Variants in DNER observed in about 807,000 individuals in gnomAD.
DNER encodes the protein delta and Notch-like epidermal growth factor-related receptor.
DNER carries 33 observed loss-of-function variants against 78.2 expected under a neutral mutation model. The observed-to-expected ratio is 0.42, with a 90% CI of 0.32 to 0.56. The LOEUF (loss-of-function observed/expected upper bound fraction) is 0.56. Ranked by LOEUF, DNER falls within the 20% of genes least tolerant of loss-of-function variation. The pLI is 0.11. For missense variants in DNER, 918 were observed against 975.3 expected, an observed-to-expected ratio of 0.94 and a Z score of 0.78; for synonymous variants, 417 against 384.8, an observed-to-expected ratio of 1.08 and a Z score of -0.98.
chr2:229,466,780 T>C (rs779656072), intron 7 of DNER, among the ~76,000 whole-genome samples: 2 of 152,182 alleles, frequency 1.3e-5, no homozygotes, highest in Non-Finnish European at 2.9e-5. Context: ...CTTAAAAATA[T>C]AGAACATGTA....
chr2:229,428,679 A>AG (rs1415496930), intron 8 of DNER, among the ~76,000 whole-genome samples: 1 of 152,020 alleles, frequency 6.6e-6, no homozygotes, highest in Admixed American at 6.6e-5. Context: ...TTGAAAAAAA[A>AG]AAAAATCAGT....
At chr2:229,705,409 T>C (rs1699810994) in intron 1 of DNER, among the ~76,000 whole-genome samples, 1 of 152,196 alleles carries the variant, frequency 6.6e-6, no homozygotes, top group South Asian at 2.1e-4. Context: ...CAAATCCTGT[T>C]TTTCAAAAGC....
chr2:229,542,345 G>GT (rs1260425390), intron 5 of DNER, among the ~76,000 whole-genome samples: 1 of 152,094 alleles, frequency 6.6e-6, no homozygotes, highest in Non-Finnish European at 1.5e-5. Flanking sequence ...CATTTATAAA[G>GT]ACCTTCCCCC....
intron 8 of DNER, among the ~76,000 whole-genome samples, chr2:229,426,876 G>T (rs1428305928): frequency 6.6e-6 from 1 of 152,170 alleles, no homozygotes; most frequent in Non-Finnish European, 1.5e-5. Context: ...ACACAATAAA[G>T]CCAGAAAATA....
intron 8 of DNER, among the ~76,000 whole-genome samples, chr2:229,442,781 G>A (rs935160920): frequency 1.3e-5 from 2 of 152,086 alleles, no homozygotes; most frequent in Non-Finnish European, 2.9e-5. Context: ...GAGTTTAACA[G>A]AAGGAGCAGT....
At chr2:229,673,252 T>C (rs1167363271) in intron 1 of DNER, among the ~76,000 whole-genome samples, 1 of 152,146 alleles carries the variant, frequency 6.6e-6, no homozygotes, top group Non-Finnish European at 1.5e-5. Flanking sequence ...TGCCTGGCAA[T>C]TGGTAGGTAT....
chr2:229,692,912 TAA>T (rs773783670), intron 1 of DNER, among the ~76,000 whole-genome samples: 1 of 151,836 alleles, frequency 6.6e-6, no homozygotes, highest in South Asian at 2.1e-4. Flanking sequence ...TTTTATAATA[TAA>T]AAAATCTAAG....
rs73998294 is a variant in DNER at position 229,609,581 on chromosome 2, C to T, written c.277-17693G>A. On this transcript the variant is annotated intron_variant, in intron 1 of 12. Coordinates refer to ENST00000341772, the MANE Select transcript of DNER (RefSeq NM_139072.4). Reference sequence around the variant, plus strand: ...GCCACAGAGACCTTGTAGCTCACAACGCTGAAAATATTAACTATCCGCCCT... The same window carrying T: ...GCCACAGAGACCTTGTAGCTCACAATGCTGAAAATATTAACTATCCGCCCT... 2.7e-3 allele frequency among the ~76,000 whole-genome samples: 406 copies of T among 152,228 alleles called. 2 individuals carry two copies. Among genetic ancestry groups the T allele is most frequent in the African/African-American group, 9.3e-3 (387 of 41,546 alleles).
At chr2:229,571,055 C>A (rs867862231) in intron 4 of DNER, among the ~76,000 whole-genome samples, 1 of 151,964 alleles carries the variant, frequency 6.6e-6, no homozygotes, top group South Asian at 2.1e-4. Context: ...TGGGGTGAAG[C>A]GGGGAGGCCA....
chr2:229,422,278 G>A (rs1471305007), intron 8 of DNER, among the ~76,000 whole-genome samples: 1 of 152,142 alleles, frequency 6.6e-6, no homozygotes, highest in East Asian at 1.9e-4. Flanking sequence ...AAACAAATTA[G>A]CTCAGGGCAG....
chr2:229,714,066 C>T, intron 1 of DNER, 82 bp downstream of exon 1: 3 of 1,196,938 alleles, frequency 2.5e-6, no homozygotes, highest in African/African-American at 1.6e-5. Flanking sequence ...TGCCCATTGT[C>T]GGGCAGCAGC....
intron 4 of DNER, among the ~76,000 whole-genome samples, chr2:229,557,840 G>A (rs1696881440): frequency 6.6e-6 from 1 of 152,048 alleles, no homozygotes; most frequent in Non-Finnish European, 1.5e-5. Flanking sequence ...AAGACCTAAA[G>A]ACAGAAATAC....
At chr2:229,638,469 T>C (rs1194257884) in intron 1 of DNER, among the ~76,000 whole-genome samples, 2 of 152,152 alleles carry the variant, frequency 1.3e-5, no homozygotes, top group African/African-American at 4.8e-5. Flanking sequence ...GAATACTCTT[T>C]TCAACAAATG....
chr2:229,472,215 T>C (rs1355052919), intron 7 of DNER, among the ~76,000 whole-genome samples: 1 of 152,220 alleles, frequency 6.6e-6, no homozygotes, highest in Non-Finnish European at 1.5e-5. Flanking sequence ...ATGCATTGGA[T>C]AAAATGATAT....
At chr2:229,590,089 T>C (rs999386991) in intron 2 of DNER, among the ~76,000 whole-genome samples, 30 of 152,042 alleles carry the variant, frequency 2.0e-4, no homozygotes, top group Middle Eastern at 3.4e-3. Context: ...AATAATAACA[T>C]ACCGACACAG....
At chr2:229,481,866 T>C (rs1428220216) in intron 6 of DNER, among the ~76,000 whole-genome samples, 1 of 152,194 alleles carries the variant, frequency 6.6e-6, no homozygotes, top group Non-Finnish European at 1.5e-5. Flanking sequence ...GGCCATTCTG[T>C]GTGTGTTATG....
Position 229,366,980 on chromosome 2 carries a change from G to A in DNER, c.1995C>T (p.Ser665=). The A allele has an allele frequency of 6.2e-7, 1 of 1,614,166 alleles. No homozygotes were observed. Among genetic ancestry groups the A allele is most frequent in the Non-Finnish European group, 8.5e-7 (1 of 1,180,022 alleles). The change falls in exon 12 of 13, where the codon AGC becomes AGT. Residue 665 remains serine (S), a synonymous_variant. Transcript: ENST00000341772. ...TGGAAGAACCCTGGTATTCAATGCG[G>A]CTGATGCGGCAAATCCCCACGATCA... ...IILIVGICRI[S]RIEYQGSSRP...
intron 1 of DNER, among the ~76,000 whole-genome samples, chr2:229,643,848 A>C (rs1698668927): frequency 6.6e-6 from 1 of 151,988 alleles, no homozygotes; most frequent in African/African-American, 2.4e-5. Context: ...CAGTCCCTTC[A>C]TTTTGTGATT....
chr2:229,363,509 G>A (rs1692261977), intron 12 of DNER, among the ~76,000 whole-genome samples: 1 of 152,234 alleles, frequency 6.6e-6, no homozygotes, highest in East Asian at 1.9e-4. Context: ...GAAACCCCAG[G>A]TTGGAGCTGA....
Sources: gnomAD v4.1 joint callset for allele counts (sites outside exome capture counted in the v4.1 genomes callset) on GRCh38, gnomAD v4.1.1 for gene constraint, MANE v1.5 for transcripts, NCBI Gene and HGNC (gene_info 2026-07-23, HGNC 2026-07-21) for gene names.